The following AFF2 variants were observed in gnomAD, a reference collection of about 807,000 sequenced individuals.
AFF2 encodes the protein ALF transcription elongation factor 2, also known as AF4/FMR2 family member 2.
Under a neutral mutation model 76.9 loss-of-function variants are expected in AFF2, and 14 were observed. The ratio of observed to expected loss-of-function variants is 0.18; its 90% CI spans 0.12 to 0.28. The LOEUF (loss-of-function observed/expected upper bound fraction) is 0.28. Ranked by LOEUF, AFF2 falls within the 10% of genes least tolerant of loss-of-function variation. The pLI, the probability that AFF2 is intolerant of heterozygous loss-of-function variation, is 1.00. For missense variants in AFF2, 868 were observed against 1,001.1 expected, an observed-to-expected ratio of 0.87 and a Z score of 1.79; for synonymous variants, 398 against 366.7, an observed-to-expected ratio of 1.09 and a Z score of -0.98.
intron 10 of AFF2, 59 bp downstream of exon 10, chrX:148,953,798 A>ACACAC: frequency 1.2e-6 from 1 of 839,038 alleles, no homozygotes; most frequent in Non-Finnish European, 1.7e-6. Context: ...CAGCACCCTC[A>ACACAC]ACACACACAC....
chrX:148,807,841 T>C (rs1884987876), intron 3 of AFF2, among the ~76,000 whole-genome samples: 2 of 112,590 alleles, frequency 1.8e-5, no homozygotes, highest in Non-Finnish European at 3.7e-5. Context: ...GGAGTGGGAT[T>C]GTATTTGCAG....
Position 148,904,252 on chromosome X carries a change from C to G in AFF2, c.1391C>G (p.Pro464Arg). 8.9e-7 allele frequency: 1 copy of G among 1,125,550 alleles called. No individual in the cohort carries two copies. Among genetic ancestry groups the G allele is most frequent in the Non-Finnish European group, 1.2e-6 (1 of 822,128 alleles). 92.8% of individuals were successfully genotyped at this position (1,125,550 alleles called of 1,213,427 possible). The change falls in exon 9 of 21, where the codon CCT becomes CGT. Residue 464 changes from proline to arginine, a missense_variant. Physicochemically the swap from Pro to Arg is moderately radical, Grantham distance 103. Coordinates refer to ENST00000370460, the MANE Select transcript of AFF2 (RefSeq NM_002025.4). ...AVEKAKPRNN[P>R]VNPPLATPQP... Reference sequence around the variant, plus strand: ...GAAAAGGCAAAACCTAGGAATAATCCTGTGAAGTAAGTTATTATTTTTATT... The same window carrying G: ...GAAAAGGCAAAACCTAGGAATAATCGTGTGAAGTAAGTTATTATTTTTATT...
At chrX:148,775,259 G>A (rs782531792) in intron 3 of AFF2, among the ~76,000 whole-genome samples, 139 of 111,758 alleles carry the variant, frequency 1.2e-3, no homozygotes, top group African/African-American at 3.8e-3. Flanking sequence ...TTCTACTCTG[G>A]TATCTGAAAA....
chrX:148,572,606 A>G (rs2053241337), intron 1 of AFF2, among the ~76,000 whole-genome samples: 1 of 111,847 alleles, frequency 8.9e-6, no homozygotes, highest in African/African-American at 3.3e-5. Context: ...TGTGTGTCAC[A>G]ATTTGCACTA....
intron 1 of AFF2, among the ~76,000 whole-genome samples, chrX:148,644,659 G>T (rs1557255138): frequency 8.9e-6 from 1 of 112,177 alleles, no homozygotes; most frequent in Non-Finnish European, 1.9e-5. Flanking sequence ...CTACATAATA[G>T]AATAAATACA....
chrX:148,708,870 C>G lies in AFF2; in HGVS notation c.1041+46102C>G, dbSNP rs192594206. Among the ~76,000 whole-genome samples, 13 of 112,025 alleles carry G rather than the reference C, an allele frequency of 1.2e-4. No homozygotes were observed. The East Asian group carries it at 2.5e-3, about 22-fold the overall frequency. On this transcript the variant is annotated intron_variant, in intron 3 of 20. Coordinates refer to ENST00000370460, the MANE Select transcript of AFF2 (RefSeq NM_002025.4). ...ATCACTAATGAAATATTTTAAATTA[C>G]TATATATTTTACCGTTTTTCTGTAT...
rs782447377 is a variant in AFF2, at chrX:148,967,555, A to C, written c.3204-74A>C. 4.5e-5 allele frequency: 43 copies of C among 959,261 alleles called. No individual in the cohort carries two copies. The African/African-American group carries it at 8.3e-4, about 18-fold the overall frequency. 79.1% of individuals were successfully genotyped at this position (959,261 alleles called of 1,213,427 possible). ...ATATGGGAATAAATTTATAGCAGAAAAGGTTTGATGATTCAGTCTTTTACT... is the reference window on the plus strand; with the variant it reads ...ATATGGGAATAAATTTATAGCAGAACAGGTTTGATGATTCAGTCTTTTACT... On this transcript the variant is annotated intron_variant, in intron 14 of 20. Coordinates refer to ENST00000370460, the MANE Select transcript of AFF2 (RefSeq NM_002025.4).
At chrX:148,735,596 T>C (rs1331043950) in intron 3 of AFF2, among the ~76,000 whole-genome samples, 7 of 112,054 alleles carry the variant, frequency 6.2e-5, no homozygotes, top group African/African-American at 2.3e-4. Flanking sequence ...TTTCTGTTTC[T>C]TTTGAGTACC....
chrX:148,708,767 T>A (rs2054920327), intron 3 of AFF2, among the ~76,000 whole-genome samples: 1 of 112,265 alleles, frequency 8.9e-6, no homozygotes, highest in South Asian at 3.7e-4. Flanking sequence ...AATGTTTGGG[T>A]GGTAAGATTC....
intron 1 of AFF2, among the ~76,000 whole-genome samples, chrX:148,561,217 G>A (rs1337662612): frequency 3.6e-5 from 4 of 111,998 alleles, no homozygotes. Context: ...ATTTCTTTTA[G>A]CATTTTATTA....
At chrX:148,606,394 T>C (rs1557248788) in intron 1 of AFF2, among the ~76,000 whole-genome samples, 1 of 111,518 alleles carries the variant, frequency 9.0e-6, no homozygotes, top group Non-Finnish European at 1.9e-5. Context: ...TTTCCTTTTT[T>C]TGATAATTCA....
intron 7 of AFF2, among the ~76,000 whole-genome samples, chrX:148,876,880 C>T (rs781977322): frequency 8.9e-6 from 1 of 111,760 alleles, no homozygotes; most frequent in African/African-American, 3.2e-5. Flanking sequence ...TTAAGGCCAT[C>T]TCCCACTCAC....
chrX:148,633,098 A>T (rs2053995876), intron 1 of AFF2, among the ~76,000 whole-genome samples: 1 of 112,083 alleles, frequency 8.9e-6, no homozygotes, highest in East Asian at 2.8e-4. Context: ...ACTGGATGAT[A>T]CTGCAGTTCC....
intron 3 of AFF2, among the ~76,000 whole-genome samples, chrX:148,753,230 GTTCT>G (rs1603294592): frequency 1.8e-5 from 2 of 111,960 alleles, no homozygotes; most frequent in Non-Finnish European, 3.8e-5. Context: ...CATGAAAGAT[GTTCT>G]TTATTTCTTG....
intron 1 of AFF2, among the ~76,000 whole-genome samples, chrX:148,633,873 C>G (rs1352148062): frequency 8.9e-6 from 1 of 112,126 alleles, no homozygotes; most frequent in Non-Finnish European, 1.9e-5. Flanking sequence ...TGCTCTTTTC[C>G]CTTCCTCTTT....
Position 148,843,445 on chromosome X carries a change from G to A in AFF2, c.1262+12G>A, listed in dbSNP as rs781945723. 5 of 1,201,732 alleles carry A rather than the reference G, an allele frequency of 4.2e-6. No homozygotes were observed. The highest frequency in any genetic ancestry group is 5.6e-6 in the Non-Finnish European group (5 of 889,423). On this transcript the variant is annotated intron_variant, in intron 7 of 20. Coordinates refer to ENST00000370460, the MANE Select transcript of AFF2 (RefSeq NM_002025.4). ...GTGTCTTTCAAATCGTGAGTAGTTG[G>A]ATCTCCAAATCAGGCCTTTTTGGGG...
intron 19 of AFF2, among the ~76,000 whole-genome samples, chrX:148,985,311 T>TTC (rs1194674175): frequency 2.7e-5 from 2 of 74,218 alleles, no homozygotes; most frequent in Non-Finnish European, 2.6e-5. Flanking sequence ...TTTTTTTTTT[T>TTC]TTTTTTTTAT....
intron 3 of AFF2, among the ~76,000 whole-genome samples, chrX:148,694,467 A>G (rs1415673740): frequency 1.8e-5 from 2 of 111,868 alleles, no homozygotes; most frequent in Admixed American, 9.5e-5. Context: ...TTTAATGTCC[A>G]TCAACTTTGC....
chrX:148,530,380 T>C (rs1557235713), intron 1 of AFF2, among the ~76,000 whole-genome samples: 1 of 112,103 alleles, frequency 8.9e-6, no homozygotes, highest in African/African-American at 3.2e-5. Flanking sequence ...AAAATTGTTA[T>C]CACATCATGA....
Sources: gnomAD v4.1 joint callset for allele counts (sites outside exome capture counted in the v4.1 genomes callset) on GRCh38, gnomAD v4.1.1 for gene constraint, MANE v1.5 for transcripts, NCBI Gene and HGNC (gene_info 2026-07-23, HGNC 2026-07-21) for gene names.